CPEB3: variants seen among roughly 807,000 people sequenced by gnomAD.
CPEB3 encodes the protein cytoplasmic polyadenylation element-binding protein 3.
In CPEB3, 20 loss-of-function variants were observed where a neutral mutation model predicts 67.2. The observed-to-expected ratio is 0.30, with a 90% CI of 0.21 to 0.43. CPEB3 has a LOEUF of 0.43. Among genes scored for constraint, CPEB3 ranks in the 20% least tolerant of loss-of-function variants. The pLI, the probability that CPEB3 is intolerant of heterozygous loss-of-function variation, is 1.00. For synonymous variants in CPEB3, 376 were observed against 393.1 expected (o/e 0.96, Z 0.51); for missense variants, 746 against 968.6 (o/e 0.77, Z 3.05).
At chr10:92,281,916 G>A (rs1283062338) in intron 1 of CPEB3, among the ~76,000 whole-genome samples, 8 of 152,294 alleles carry the variant, frequency 5.3e-5, no homozygotes, top group African/African-American at 1.9e-4. Context: ...TGCAAATAAT[G>A]TTTTACTACT....
At chr10:92,164,494 T>A (rs1044852341) in intron 4 of CPEB3, among the ~76,000 whole-genome samples, 1 of 152,242 alleles carries the variant, frequency 6.6e-6, no homozygotes, top group Admixed American at 6.5e-5. Context: ...CTGGCAAGCA[T>A]TAATCTCCCT....
chr10:92,106,410 T>C (rs7068353), intron 7 of CPEB3, among the ~76,000 whole-genome samples: 1 of 151,946 alleles, frequency 6.6e-6, no homozygotes, highest in South Asian at 2.1e-4. Flanking sequence ...TAGATAGGGA[T>C]GGAGATAGCT....
At chr10:92,111,527 C>T (rs940009779) in intron 6 of CPEB3, among the ~76,000 whole-genome samples, 2 of 152,202 alleles carry the variant, frequency 1.3e-5, no homozygotes, top group African/African-American at 2.4e-5. Flanking sequence ...ACCTGCTTTC[C>T]AATTTCTACA....
intron 7 of CPEB3, among the ~76,000 whole-genome samples, chr10:92,102,585 G>A (rs1044916754): frequency 6.6e-5 from 10 of 152,114 alleles, no homozygotes; most frequent in African/African-American, 2.4e-4. Context: ...TGAACAATTC[G>A]AACAATTCGG....
At chr10:92,205,470 CTTTTTT>C (rs34029695) in intron 2 of CPEB3, among the ~76,000 whole-genome samples, 6 of 91,020 alleles carry the variant, frequency 6.6e-5, no homozygotes, top group South Asian at 3.7e-4. Context: ...AAATTCAGTC[CTTTTTT>C]TTTTTTTTTT....
chr10:92,225,088 C>T (rs972232988), intron 2 of CPEB3, among the ~76,000 whole-genome samples: 12 of 151,564 alleles, frequency 7.9e-5, no homozygotes, highest in African/African-American at 2.9e-4. Flanking sequence ...AATTCTCCTG[C>T]CTTACCCTCC....
chr10:92,180,929 C>T (rs1848429896), intron 4 of CPEB3, 34 bp downstream of exon 4: 3 of 1,068,896 alleles, frequency 2.8e-6, no homozygotes, highest in Non-Finnish European at 4.4e-6. Context: ...AACTTGACTG[C>T]TAATTTAATA....
intron 4 of CPEB3, among the ~76,000 whole-genome samples, chr10:92,163,772 A>G (rs1327335959): frequency 6.6e-6 from 1 of 152,244 alleles, no homozygotes; most frequent in Non-Finnish European, 1.5e-5. Flanking sequence ...CAAACTAGGC[A>G]AGTTATAATT....
intron 1 of CPEB3, among the ~76,000 whole-genome samples, chr10:92,241,299 C>T (rs1282559114): frequency 7.6e-6 from 1 of 131,242 alleles, no homozygotes; most frequent in South Asian, 2.5e-4. Context: ...CGCGAGCGAG[C>T]GAGCGCCTGT....
intron 6 of CPEB3, among the ~76,000 whole-genome samples, chr10:92,114,095 AC>A (rs1349323125): frequency 6.6e-6 from 1 of 151,772 alleles, no homozygotes; most frequent in Non-Finnish European, 1.5e-5. Flanking sequence ...ACATGGCTAA[AC>A]TCCCCCCAAC....
At chr10:92,185,793 TAG>T (rs2134121841) in intron 3 of CPEB3, among the ~76,000 whole-genome samples, 2 of 152,324 alleles carry the variant, frequency 1.3e-5, no homozygotes, top group South Asian at 4.1e-4. Flanking sequence ...TCTATAAAGT[TAG>T]AGAGACATTG....
intron 8 of CPEB3, among the ~76,000 whole-genome samples, chr10:92,088,318 C>T (rs1325399677): frequency 1.3e-5 from 2 of 151,390 alleles, no homozygotes; most frequent in Non-Finnish European, 1.5e-5. Flanking sequence ...CCCGAGCTCC[C>T]TGGGCTCAAG....
At chr10:92,210,173 T>G (rs979319533) in intron 2 of CPEB3, among the ~76,000 whole-genome samples, 3 of 152,172 alleles carry the variant, frequency 2.0e-5, no homozygotes, top group African/African-American at 7.2e-5. Context: ...CACAGCACAC[T>G]GTAAGCACTC....
At chr10:92,099,769 CAGG>C in intron 7 of CPEB3, among the ~76,000 whole-genome samples, 2 of 150,780 alleles carry the variant, frequency 1.3e-5, no homozygotes, top group East Asian at 2.0e-4. Flanking sequence ...GAGGCTGAGG[CAGG>C]AGAATTGCCT....
chr10:92,089,149 C>T (rs968692696), intron 8 of CPEB3, among the ~76,000 whole-genome samples: 1 of 152,146 alleles, frequency 6.6e-6, no homozygotes, highest in Non-Finnish European at 1.5e-5. Context: ...CTAGCAAAGT[C>T]ACAATGAATT....
chr10:92,110,350 C>A (rs531616320), intron 7 of CPEB3, among the ~76,000 whole-genome samples: 1 of 152,306 alleles, frequency 6.6e-6, no homozygotes, highest in East Asian at 1.9e-4. Context: ...CCTCACCCTA[C>A]CCCTGCCAAC....
intron 4 of CPEB3, among the ~76,000 whole-genome samples, chr10:92,157,357 G>A (rs1023443602): frequency 3.3e-4 from 50 of 152,098 alleles, no homozygotes; most frequent in African/African-American, 1.2e-3. Flanking sequence ...TACGACATCC[G>A]GCTTCTCCTA....
intron 2 of CPEB3, among the ~76,000 whole-genome samples, chr10:92,214,774 C>T (rs568189141): frequency 1.1e-4 from 16 of 152,258 alleles, no homozygotes; most frequent in Non-Finnish European, 2.4e-4. Context: ...GCATGAGCCA[C>T]TATGCCTGGC....
intron 6 of CPEB3, among the ~76,000 whole-genome samples, chr10:92,120,257 AAAACAAACAAAC>A (rs35341612): frequency 4.8e-5 from 7 of 144,728 alleles, no homozygotes; most frequent in African/African-American, 1.0e-4. Context: ...TAAAAATACA[AAAACAAACAAAC>A]AAACAAACAA....
Sources: allele counts gnomAD v4.1 joint callset (sites outside exome capture counted in the v4.1 genomes callset), GRCh38; gene constraint gnomAD v4.1.1; transcripts MANE v1.5; gene names NCBI Gene and HGNC (gene_info 2026-07-23, HGNC 2026-07-21).